Variants in TASOR observed in about 807,000 individuals in gnomAD.
TASOR encodes the protein protein TASOR.
In TASOR, 53 loss-of-function variants were observed where a neutral mutation model predicts 178.6. The ratio of observed to expected loss-of-function variants is 0.30; its 90% confidence interval spans 0.24 to 0.37. TASOR has a LOEUF of 0.37. Among genes scored for constraint, TASOR ranks in the 10% least tolerant of loss-of-function variants. TASOR has a pLI of 1.00. For synonymous variants in TASOR, 713 were observed against 696.2 expected, an observed-to-expected ratio of 1.02 and a Z score of -0.38; for missense variants, 1,815 against 1,971.4, an observed-to-expected ratio of 0.92 and a Z score of 1.50.
chr3:56,640,888 C>G (rs1198202335), intron 15 of TASOR, among the ~76,000 whole-genome samples: 1 of 152,174 alleles, frequency 6.6e-6, no homozygotes, highest in African/African-American at 2.4e-5. Context: ...ATCCTAAAGG[C>G]TGCTTATGTT....
rs1007905449 is a variant in TASOR, at chr3:56,620,136, A to G, written c.*2901T>C. 10 of 273,920 alleles carry G rather than the reference A, an allele frequency of 3.7e-5. No individual in the cohort carries two copies. Among genetic ancestry groups the G allele is most frequent in the Non-Finnish European group, 4.8e-5 (7 of 147,230 alleles). The allele number at this position is 273,920 out of a possible 1,614,324, so 17.0% of individuals were successfully genotyped here. Reference sequence around the variant, plus strand: ...TACGAAATCATCAGACAGTTCTAAAATTAAGACAAGTTTATTGAGTAAAAA... The same window carrying G: ...TACGAAATCATCAGACAGTTCTAAAGTTAAGACAAGTTTATTGAGTAAAAA... On this transcript the variant is annotated 3_prime_UTR_variant, in exon 24 of 24. Transcript: ENST00000683822.
At chr3:56,650,824 G>C (rs1022981315) in intron 11 of TASOR, among the ~76,000 whole-genome samples, 1 of 152,140 alleles carries the variant, frequency 6.6e-6, no homozygotes, top group African/African-American at 2.4e-5. Context: ...AAGTCTCTTA[G>C]AGTATACTAC....
chr3:56,658,928 C>CA (rs1251353344), intron 11 of TASOR, among the ~76,000 whole-genome samples: 1 of 129,512 alleles, frequency 7.7e-6, no homozygotes, highest in Non-Finnish European at 1.6e-5. Context: ...GAGAGAGAGA[C>CA]AGAGAGTGAG....
chr3:56,660,697 A>C (rs941119647), intron 11 of TASOR, 34 bp downstream of exon 11: 1 of 1,522,508 alleles, frequency 6.6e-7, no homozygotes, highest in Non-Finnish European at 9.1e-7. Flanking sequence ...ATTTGTAACA[A>C]AGAATGAGAA....
In TASOR at chr3:56,639,772, G is replaced by A. The variant is rs542960501; in HGVS notation, c.2764+214C>T. On this transcript the variant is annotated intron_variant, in intron 16 of 23. Coordinates refer to ENST00000683822, the MANE Select transcript of TASOR (RefSeq NM_001365635.2). The stretch of plus-strand genomic sequence containing the variant: ...GTGTGTCTTAAATCCCTGTTTTTAA[G>A]GTGATTTTGCAGGTGCTTGCTGATG... Among the ~76,000 whole-genome samples, 27 of 152,262 alleles carry A rather than the reference G, an allele frequency of 1.8e-4. No individual in the cohort carries two copies. In the South Asian group the frequency reaches 5.4e-3, roughly 30 times the overall value.
chr3:56,682,562 C>A, intron 1 of TASOR, 114 bp downstream of exon 1: 1 of 988,316 alleles, frequency 1.0e-6, no homozygotes, highest in Non-Finnish European at 1.4e-6. Context: ...AGGCGGCCGG[C>A]GCTGCATGCG....
At chr3:56,660,271 C>A (rs1302726449) in intron 11 of TASOR, among the ~76,000 whole-genome samples, 1 of 151,844 alleles carries the variant, frequency 6.6e-6, no homozygotes, top group African/African-American at 2.4e-5. Flanking sequence ...GCGGGCAGAT[C>A]ACGAGGTCAG....
intron 11 of TASOR, among the ~76,000 whole-genome samples, chr3:56,651,573 G>A (rs1267257361): frequency 6.6e-6 from 1 of 152,068 alleles, no homozygotes; most frequent in Non-Finnish European, 1.5e-5. Context: ...GGCGTCATAT[G>A]CCTATAGTCC....
intron 6 of TASOR, 84 bp from the exon 7 acceptor site, chr3:56,666,468 G>C (rs905670563): frequency 7.0e-6 from 8 of 1,138,292 alleles, no homozygotes; most frequent in African/African-American, 1.6e-5. Flanking sequence ...CTGAGAAATA[G>C]AAAACCATAT....
chr3:56,677,716 T>C, intron 1 of TASOR, among the ~76,000 whole-genome samples: 1 of 152,188 alleles, frequency 6.6e-6, no homozygotes, highest in East Asian at 1.9e-4. Flanking sequence ...ACACAGGAAG[T>C]TAATATAAAA....
At chr3:56,638,191 C>G (rs932561581) in intron 17 of TASOR, among the ~76,000 whole-genome samples, 1 of 151,802 alleles carries the variant, frequency 6.6e-6, no homozygotes, top group Non-Finnish European at 1.5e-5. Context: ...ATGGTGAAAT[C>G]CCGTCTCTAC....
chr3:56,670,390 T>C (rs566707419), intron 3 of TASOR, among the ~76,000 whole-genome samples: 21 of 152,274 alleles, frequency 1.4e-4, no homozygotes, highest in Non-Finnish European at 2.2e-4. Flanking sequence ...AGGGTCTCCC[T>C]CTGCCCTCTA....
rs1287315153 is a variant in TASOR at position 56,671,679 on chromosome 3, C to A, written c.491G>T (p.Arg164Leu). The A allele has an allele frequency of 6.5e-7, 1 of 1,548,176 alleles. No homozygotes were observed. The highest frequency in any genetic ancestry group is 8.7e-7 in the Non-Finnish European group (1 of 1,145,166). The change falls in exon 3 of 24, where the codon CGA (arginine) becomes CTA (leucine). Residue 164 changes from arginine (R) to leucine (L), a missense_variant. Physicochemically the swap from Arg to Leu is moderately radical, Grantham distance 102 (BLOSUM62 -2). Around this residue, in one of 5 missense-constraint regions of TASOR, gnomAD observed 504 missense variants for 645.3 expected, o/e 0.78. Coordinates refer to ENST00000683822, the MANE Select transcript of TASOR (RefSeq NM_001365635.2). ...ELLEKEFTEK[R>L]RELKFDGRLD... ...ACGACCATCAAACTTCAGTTCTCTT[C>A]GCTTTTCTGTAAACTAAATGAAATT...
intron 11 of TASOR, among the ~76,000 whole-genome samples, chr3:56,653,692 G>A (rs1415734271): frequency 1.4e-5 from 2 of 145,468 alleles, no homozygotes; most frequent in Non-Finnish European, 3.0e-5. Flanking sequence ...GTAGATCTTA[G>A]TCTCAACAAA....
chr3:56,640,936 T>C (rs1374833441), intron 15 of TASOR, among the ~76,000 whole-genome samples: 18 of 152,146 alleles, frequency 1.2e-4, no homozygotes, highest in Non-Finnish European at 2.4e-4. Flanking sequence ...AGTACCTAAC[T>C]GTCACACTGC....
chr3:56,663,622 T>C (rs1172979077), intron 7 of TASOR, 50 bp from the exon 8 acceptor site: 1 of 1,290,654 alleles, frequency 7.7e-7, no homozygotes, highest in Non-Finnish European at 1.0e-6. Flanking sequence ...AGTATAATCA[T>C]AAAAATTAAC....
intron 15 of TASOR, 27 bp from the exon 16 acceptor site, chr3:56,640,157 G>C: frequency 6.3e-7 from 1 of 1,596,790 alleles, no homozygotes; most frequent in Non-Finnish European, 8.6e-7. Flanking sequence ...ACACTGAATA[G>C]CTTTATTTCC....
intron 11 of TASOR, among the ~76,000 whole-genome samples, chr3:56,660,006 C>T (rs1025465420): frequency 6.6e-6 from 1 of 151,930 alleles, no homozygotes; most frequent in Non-Finnish European, 1.5e-5. Flanking sequence ...TCCCCAGTAG[C>T]TGAGATTACA....
intron 13 of TASOR, among the ~76,000 whole-genome samples, chr3:56,647,889 T>C (rs2077268269): frequency 6.6e-6 from 1 of 152,166 alleles, no homozygotes; most frequent in South Asian, 2.1e-4. Context: ...TGAACTAAGC[T>C]AAAAAATAAT....
Sources: gnomAD v4.1 joint callset for allele counts (sites outside exome capture counted in the v4.1 genomes callset) on GRCh38, gnomAD v4.1.1 for gene constraint, gnomAD v4.1.1 regional missense constraint, MANE v1.5 for transcripts, NCBI Gene and HGNC (gene_info 2026-07-23, HGNC 2026-07-21) for gene names.